Variants in UPB1 observed in about 807,000 individuals in gnomAD.
UPB1 encodes beta-ureidopropionase 1, also known as beta-ureidopropionase.
A neutral mutation model predicts 49.1 loss-of-function variants in UPB1; 40 were observed. That is an observed-to-expected ratio of 0.81 (90% CI 0.63 to 1.06). The LOEUF is 1.06. UPB1 is among the 50% of genes least tolerant of loss of function. The pLI, the probability that UPB1 is intolerant of heterozygous loss-of-function variation, is 0.00. For missense variants in UPB1, 499 were observed against 505.9 expected, an observed-to-expected ratio of 0.99 and a Z score of 0.13; for synonymous variants, 207 against 198.2, an observed-to-expected ratio of 1.04 and a Z score of -0.38.
chr22:24,524,339 T>C (rs1006673684), intron 9 of UPB1, among the ~76,000 whole-genome samples: 1 of 152,210 alleles, frequency 6.6e-6, no homozygotes, highest in East Asian at 1.9e-4. Context: ...CTTTGACACC[T>C]AATGCCCTGT....
At chr22:24,523,857 C>G (rs1337335619) in intron 9 of UPB1, 84 bp downstream of exon 9, 2 of 1,600,166 alleles carry the variant, frequency 1.2e-6, no homozygotes, top group African/African-American at 1.3e-5. Context: ...GCGGGGTTGC[C>G]CATGGCAGCA....
Position 24,513,445 on chromosome 22 carries a change from C to A in UPB1, c.581C>A (p.Thr194Asn). The change falls in exon 5 of 10, where the codon ACC (threonine) becomes AAC (asparagine). Residue 194 changes from threonine to asparagine, a missense_variant. By Grantham distance (65) the Thr-to-Asn change is moderately conservative. Transcript: ENST00000326010. ...AATTCCGGAGCAGTCCTGGGAAAGA[C>A]CAGGAAAAACCACATCCCCAGAGTG... ...ISNSGAVLGKTRKNHIPRVGD... is the reference protein window; with the variant it reads ...ISNSGAVLGKNRKNHIPRVGD... The A allele has an allele frequency of 6.2e-7, 1 of 1,614,098 alleles. No homozygotes were observed. Among genetic ancestry groups the A allele is most frequent in the Non-Finnish European group, 8.5e-7 (1 of 1,180,022 alleles).
intron 6 of UPB1, among the ~76,000 whole-genome samples, chr22:24,517,492 G>T (rs1360982917): frequency 6.6e-6 from 1 of 152,242 alleles, no homozygotes. Context: ...AAGCACTAGG[G>T]CATCTGGCTT....
intron 1 of UPB1, among the ~76,000 whole-genome samples, chr22:24,496,372 AACACACAC>A (rs60159909): frequency 4.1e-4 from 58 of 141,626 alleles, no homozygotes; most frequent in East Asian, 3.6e-3. Context: ...CCCTGTCTCA[AACACACAC>A]ACACACACAC....
intron 1 of UPB1, among the ~76,000 whole-genome samples, chr22:24,496,585 A>G (rs2043892238): frequency 6.6e-6 from 1 of 152,136 alleles, no homozygotes; most frequent in Non-Finnish European, 1.5e-5. Context: ...CAGTAGCTTC[A>G]GGGTCTGCAG....
At chr22:24,510,023 G>A (rs896665522) in intron 3 of UPB1, among the ~76,000 whole-genome samples, 13 of 152,072 alleles carry the variant, frequency 8.5e-5, no homozygotes, top group South Asian at 2.1e-4. Flanking sequence ...ACCTGAGGTC[G>A]GGAGTTCAAG....
chr22:24,517,401 C>A (rs998633294), intron 6 of UPB1, among the ~76,000 whole-genome samples: 1 of 152,238 alleles, frequency 6.6e-6, no homozygotes. Flanking sequence ...GGGGCCACCC[C>A]CTAAAGCAGC....
chr22:24,525,924 G>C lies in UPB1; in HGVS notation c.*130G>C, dbSNP rs945332059. 18 of 1,141,292 alleles carry C rather than the reference G, an allele frequency of 1.6e-5. No homozygotes were observed. Among genetic ancestry groups the C allele is most frequent in the Non-Finnish European group, 2.3e-5 (18 of 768,178 alleles). 70.7% of individuals were successfully genotyped at this position (1,141,292 alleles called of 1,614,324 possible). A position where few individuals can be genotyped will look rare whatever the true frequency, so the allele number is the denominator to read the frequency against. On this transcript the variant is annotated 3_prime_UTR_variant, in exon 10 of 10. Coordinates refer to ENST00000326010, the MANE Select transcript of UPB1 (RefSeq NM_016327.3). ...AGGTTGGTTTTAAAATTCCCAGGCA[G>C]GGGGAGAGTGGCATGGGGAGTGACT...
Position 24,520,455 on chromosome 22 carries a change from A to G in UPB1, c.860A>G (p.Asn287Ser), listed in dbSNP as rs753815767. The change falls in exon 7 of 10, where the codon AAT becomes AGT. Residue 287 changes from asparagine to serine, a missense_variant. By Grantham distance (46) the Asn-to-Ser change is conservative (BLOSUM62 1). Coordinates refer to ENST00000326010, the MANE Select transcript of UPB1 (RefSeq NM_016327.3). The part of the protein sequence containing the change: ...IANHCFTCAI[N>S]RVGTEHFPNE... The stretch of plus-strand genomic sequence containing the variant: ...AATCACTGCTTCACCTGCGCCATCA[A>G]TCGAGTGGGCACCGTAAGTCCCGAG... 2 of 1,614,028 alleles carry G rather than the reference A, an allele frequency of 1.2e-6. No individual in the cohort carries two copies. Among genetic ancestry groups the G allele is most frequent in the South Asian group, 1.1e-5 (1 of 91,050 alleles).
intron 1 of UPB1, among the ~76,000 whole-genome samples, chr22:24,496,404 T>TACACAC (rs1012330972): frequency 6.5e-4 from 83 of 126,982 alleles, no homozygotes; most frequent in African/African-American, 1.9e-3. Context: ...CACACACACA[T>TACACAC]ACACACACAC....
At position 24,510,846 on chromosome 22, in the gene UPB1, A is replaced by G. The variant is rs1430946042; in HGVS notation, c.459+3A>G. The G allele has an allele frequency of 6.2e-7, 1 of 1,614,206 alleles. No homozygotes were observed. ...CCACCACCAGATTCTGTCAGAAGGTAGGACATTAACGGTGCCTCTGGCAGC... is the reference window on the plus strand; with the variant it reads ...CCACCACCAGATTCTGTCAGAAGGTGGGACATTAACGGTGCCTCTGGCAGC... On this transcript the variant is annotated splice_donor_region_variant and intron_variant, in intron 4 of 9. Transcript: ENST00000326010.
chr22:24,515,745 G>A (rs796117852), intron 6 of UPB1, among the ~76,000 whole-genome samples: 2 of 152,192 alleles, frequency 1.3e-5, no homozygotes, highest in South Asian at 2.1e-4. Flanking sequence ...GGAGGCCGAA[G>A]CAGGTGGATC....
Position 24,500,104 on chromosome 22 carries a change from T to A in UPB1, c.105-3T>A. ...CCTTCCCTCTTTTTTCCTGCCCATC[T>A]AGGAAGCTTGATCTGCCCAGGGAAG... On this transcript the variant is annotated splice_polypyrimidine_tract_variant and splice_region_variant and intron_variant, in intron 1 of 9. Transcript: ENST00000326010. The A allele has an allele frequency of 6.2e-7, 1 of 1,614,118 alleles. No individual in the cohort carries two copies. The highest frequency in any genetic ancestry group is 2.2e-5 in the East Asian group (1 of 44,882).
chr22:24,495,979 T>C (rs1419726957), intron 1 of UPB1, among the ~76,000 whole-genome samples: 1 of 152,190 alleles, frequency 6.6e-6, no homozygotes, highest in African/African-American at 2.4e-5. Flanking sequence ...CCTTTCCCAC[T>C]GGCAAGCCAT....
At chr22:24,521,408 G>A (rs175766) in intron 7 of UPB1, among the ~76,000 whole-genome samples, 4,852 of 152,050 alleles carry the variant, frequency 0.032, 207 homozygotes, top group South Asian at 0.1. Flanking sequence ...GCTTGAACCC[G>A]GGAGGTGGAA....
intron 6 of UPB1, among the ~76,000 whole-genome samples, chr22:24,517,752 T>C (rs549888901): frequency 6.6e-6 from 1 of 152,364 alleles, no homozygotes; most frequent in Non-Finnish European, 1.5e-5. Flanking sequence ...GTGGTGAGGC[T>C]GGCAGTAAAA....
At chr22:24,520,290 C>T in intron 6 of UPB1, 97 bp from the exon 7 acceptor site, 1 of 1,392,010 alleles carries the variant, frequency 7.2e-7, no homozygotes, top group Non-Finnish European at 1.0e-6. Context: ...CACCACTGGC[C>T]CAGGAAAGCC....
chr22:24,524,229 GCCTT>G (rs2044445403), intron 9 of UPB1, among the ~76,000 whole-genome samples: 1 of 152,148 alleles, frequency 6.6e-6, no homozygotes, highest in African/African-American at 2.4e-5. Flanking sequence ...CTCTGCCACA[GCCTT>G]CCTTCCTTGG....
At chr22:24,497,965 G>A (rs765266887) in intron 1 of UPB1, among the ~76,000 whole-genome samples, 1 of 152,182 alleles carries the variant, frequency 6.6e-6, no homozygotes, top group Non-Finnish European at 1.5e-5. Context: ...TCTTGTCTGA[G>A]TGTGCAACCC....
Sources: gnomAD v4.1 joint callset for allele counts (sites outside exome capture counted in the v4.1 genomes callset) on GRCh38, gnomAD v4.1.1 for gene constraint, MANE v1.5 for transcripts, NCBI Gene and HGNC (gene_info 2026-07-23, HGNC 2026-07-21) for gene names.